The following PTPRD variants were observed in gnomAD, a reference collection of about 807,000 sequenced individuals.
PTPRD encodes protein tyrosine phosphatase receptor type D, also known as receptor-type tyrosine-protein phosphatase delta.
Under a neutral mutation model 214.5 loss-of-function variants are expected in PTPRD, and 34 were observed. The ratio of observed to expected loss-of-function variants is 0.16; its 90% CI spans 0.12 to 0.21. PTPRD has a LOEUF of 0.21. PTPRD is among the 10% of genes least tolerant of loss of function. The pLI is 1.00. For synonymous variants in PTPRD, 1,128 were observed against 845.7 expected (o/e 1.33, Z -5.79); for missense variants, 2,545 against 2,398.7 (o/e 1.06, Z -1.27).
At chr9:9,324,620 G>A (rs551946752) in intron 9 of PTPRD, among the ~76,000 whole-genome samples, 9 of 152,238 alleles carry the variant, frequency 5.9e-5, no homozygotes, top group Middle Eastern at 3.4e-3. Context: ...GATTGCAAAA[G>A]TTTTCTCCCA....
At position 10,278,161 on chromosome 9, in the gene PTPRD, A is replaced by C. The variant is rs536658369; in HGVS notation, c.-545+62802T>G. Among the ~76,000 whole-genome samples, 205 of 152,200 alleles carry C rather than the reference A, an allele frequency of 1.3e-3. 5 individuals carry two copies. The highest frequency in any genetic ancestry group is 2.6e-3 in the Non-Finnish European group (180 of 68,004). ...ACAGAGCGAGACTCTGTCTCAAAAA[A>C]CAAAACAAAACAAAAGGGTGCTTTG... On this transcript the variant is annotated intron_variant, in intron 3 of 45. Transcript: ENST00000381196.
intron 3 of PTPRD, among the ~76,000 whole-genome samples, chr9:10,138,743 C>T (rs1298238567): frequency 6.6e-6 from 1 of 152,106 alleles, no homozygotes; most frequent in Admixed American, 6.6e-5. Flanking sequence ...AAGGTTGGTT[C>T]AACACATGCA....
chr9:8,342,564 C>T (rs1398019955), intron 39 of PTPRD, among the ~76,000 whole-genome samples: 1 of 152,014 alleles, frequency 6.6e-6, no homozygotes, highest in Non-Finnish European at 1.5e-5. Flanking sequence ...GTAAACATGT[C>T]ATCAACAGGA....
rs553211627 is a variant in PTPRD, at chr9:9,651,053, T to G, written c.-286-76272A>C. Among the ~76,000 whole-genome samples the G allele has an allele frequency of 3.0e-3, 457 of 152,212 alleles. 2 individuals carry two copies. Among genetic ancestry groups the G allele is most frequent in the Admixed American group, 7.4e-3 (113 of 15,274 alleles). On this transcript the variant is annotated intron_variant, in intron 7 of 45. Coordinates refer to ENST00000381196, the MANE Select transcript of PTPRD (RefSeq NM_002839.4). ...TACCCTTATTGTATAATAAGGAAAC[T>G]TGTACTAAGAAAGGATAAATAATAT... is the stretch of plus-strand genomic sequence containing the variant.
At chr9:10,367,287 C>T (rs187655203) in intron 2 of PTPRD, among the ~76,000 whole-genome samples, 27 of 152,156 alleles carry the variant, frequency 1.8e-4, no homozygotes, top group Non-Finnish European at 2.8e-4. Context: ...TAAAGGGTAA[C>T]GAAGAAATCC....
intron 2 of PTPRD, among the ~76,000 whole-genome samples, chr9:10,571,094 G>T (rs1016327637): frequency 6.6e-6 from 1 of 151,924 alleles, no homozygotes; most frequent in African/African-American, 2.4e-5. Flanking sequence ...TTTAAAATAT[G>T]AATGGCATTA....
intron 7 of PTPRD, among the ~76,000 whole-genome samples, chr9:9,623,691 A>G (rs563010139): frequency 9.9e-4 from 151 of 152,310 alleles, no homozygotes; most frequent in Non-Finnish European, 1.6e-3. Context: ...GATGCTTGCT[A>G]CAAATCCAAA....
At chr9:8,973,937 T>A (rs558437329) in intron 11 of PTPRD, among the ~76,000 whole-genome samples, 7 of 152,190 alleles carry the variant, frequency 4.6e-5, no homozygotes, top group African/African-American at 1.7e-4. Flanking sequence ...ATTGTTTACA[T>A]TTCTTATAGA....
chr9:8,580,865 CTGTGG>C (rs1369616906), intron 14 of PTPRD, among the ~76,000 whole-genome samples: 1 of 152,132 alleles, frequency 6.6e-6, no homozygotes, highest in Non-Finnish European at 1.5e-5. Flanking sequence ...TGCAGTGATC[CTGTGG>C]AAGTAGGAAG....
At chr9:10,227,212 G>A (rs1421271538) in intron 3 of PTPRD, among the ~76,000 whole-genome samples, 3 of 151,990 alleles carry the variant, frequency 2.0e-5, no homozygotes, top group East Asian at 1.9e-4. Context: ...TGTCATCTCC[G>A]GTCTAGTGTG....
At chr9:9,827,195 C>T (rs1003534480) in intron 5 of PTPRD, among the ~76,000 whole-genome samples, 4 of 152,032 alleles carry the variant, frequency 2.6e-5, no homozygotes, top group Non-Finnish European at 4.4e-5. Context: ...GCCCACATTG[C>T]CAAGTCAATC....
chr9:9,534,789 T>C (rs2076191291), intron 8 of PTPRD, among the ~76,000 whole-genome samples: 1 of 102,844 alleles, frequency 9.7e-6, no homozygotes, highest in South Asian at 2.4e-4. Flanking sequence ...ATCTATGTCC[T>C]TCTTATTTTT....
intron 3 of PTPRD, among the ~76,000 whole-genome samples, chr9:10,115,045 GAA>G (rs5896372): frequency 6.9e-6 from 1 of 145,170 alleles, no homozygotes; most frequent in East Asian, 2.0e-4. Flanking sequence ...AAAAAAACGA[GAA>G]AAAAAAAACC....
chr9:8,528,155 T>C, intron 15 of PTPRD: 2 of 348,998 alleles, frequency 5.7e-6, no homozygotes, highest in Non-Finnish European at 1.0e-5. Context: ...TGAAACATTT[T>C]AGGGTTTAAT....
intron 9 of PTPRD, among the ~76,000 whole-genome samples, chr9:9,207,538 A>G (rs1164862299): frequency 6.6e-6 from 1 of 152,224 alleles, no homozygotes; most frequent in Non-Finnish European, 1.5e-5. Context: ...CTGACAACAT[A>G]CAATGCTGGT....
intron 2 of PTPRD, among the ~76,000 whole-genome samples, chr9:10,440,929 A>C (rs1255223936): frequency 2.0e-5 from 3 of 151,794 alleles, no homozygotes; most frequent in East Asian, 3.9e-4. Context: ...ACTGAATGTG[A>C]ATCCCTATGT....
intron 3 of PTPRD, among the ~76,000 whole-genome samples, chr9:10,180,054 C>A (rs1173019662): frequency 7.1e-6 from 1 of 141,516 alleles, no homozygotes. Context: ...TAGAGACTTA[C>A]AATTTTTAAC....
intron 2 of PTPRD, among the ~76,000 whole-genome samples, chr9:10,406,806 G>A (rs1009062661): frequency 1.8e-5 from 1 of 57,108 alleles, no homozygotes; most frequent in Non-Finnish European, 5.4e-5. Flanking sequence ...AAAAGATTTT[G>A]AAAATTGTTA....
rs1411613266 is a variant in PTPRD at position 10,511,590 on chromosome 9, A to G, written c.-600+100808T>C. ...TGGTATTTTTTTTTTTTTTTTTTGT[A>G]TTTTTAGTACAGACAGGATTTCATC... On this transcript the variant is annotated intron_variant, in intron 2 of 45. Transcript: ENST00000381196. Among the ~76,000 whole-genome samples, 5 of 89,422 alleles carry G rather than the reference A, an allele frequency of 5.6e-5. No homozygotes were observed. In the South Asian group the frequency reaches 9.8e-4, roughly 17 times the overall value. The allele number at this position is 89,422 out of a possible 152,430, so 58.7% of individuals were successfully genotyped here.
Sources: allele counts gnomAD v4.1 joint callset (sites outside exome capture counted in the v4.1 genomes callset), GRCh38; gene constraint gnomAD v4.1.1; transcripts MANE v1.5; gene names NCBI Gene and HGNC (gene_info 2026-07-23, HGNC 2026-07-21).